OLFM2: variants seen among roughly 807,000 people sequenced by gnomAD.
OLFM2 encodes the protein olfactomedin 2, also known as noelin-2.
A neutral mutation model predicts 43.9 loss-of-function variants in OLFM2; 20 were observed. The observed-to-expected ratio is 0.46, with a 90% CI of 0.32 to 0.66. The LOEUF is 0.66. Among genes scored for constraint, OLFM2 ranks in the 30% least tolerant of loss-of-function variants. OLFM2 has a pLI of 0.04. For missense variants in OLFM2, 416 were observed against 643.6 expected, an observed-to-expected ratio of 0.65 and a Z score of 3.83; for synonymous variants, 268 against 278.6, an observed-to-expected ratio of 0.96 and a Z score of 0.38.
intron 1 of OLFM2, among the ~76,000 whole-genome samples, chr19:9,880,486 C>T (rs568430592): frequency 6.6e-6 from 1 of 152,186 alleles, no homozygotes; most frequent in South Asian, 2.1e-4. Context: ...AATCCCAGCA[C>T]TTTAGGAGGC....
intron 1 of OLFM2, among the ~76,000 whole-genome samples, chr19:9,933,486 C>A (rs2086496631): frequency 6.6e-6 from 1 of 151,942 alleles, no homozygotes; most frequent in Non-Finnish European, 1.5e-5. Flanking sequence ...GATCCACTCA[C>A]CCTGGCCTCC....
chr19:9,862,785 G>C (rs981701804), intron 1 of OLFM2, among the ~76,000 whole-genome samples: 3 of 152,032 alleles, frequency 2.0e-5, no homozygotes, highest in African/African-American at 7.2e-5. Context: ...GACCAGCTTA[G>C]CCAACATGGT....
intron 1 of OLFM2, among the ~76,000 whole-genome samples, chr19:9,931,392 T>C (rs1193393898): frequency 1.3e-5 from 2 of 152,038 alleles, no homozygotes; most frequent in Non-Finnish European, 2.9e-5. Flanking sequence ...ACTACAAGCC[T>C]GGCCAATTTT....
At chr19:9,867,686 G>A (rs895506367) in intron 1 of OLFM2, among the ~76,000 whole-genome samples, 1 of 152,088 alleles carries the variant, frequency 6.6e-6, no homozygotes, top group South Asian at 2.1e-4. Context: ...ATGAGAGCGG[G>A]GATTAGATAT....
At chr19:9,904,150 G>T (rs2046763578) in intron 1 of OLFM2, among the ~76,000 whole-genome samples, 1 of 126,274 alleles carries the variant, frequency 7.9e-6, no homozygotes, top group Admixed American at 8.2e-5. Context: ...GCTGAGTATT[G>T]TTTGTGTGTG....
At chr19:9,892,204 CTG>C (rs2046645925) in intron 1 of OLFM2, among the ~76,000 whole-genome samples, 1 of 152,022 alleles carries the variant, frequency 6.6e-6, no homozygotes, top group Non-Finnish European at 1.5e-5. Flanking sequence ...GTTGGTGTGA[CTG>C]TGTGTGTGCA....
At position 9,924,083 on chromosome 19, in the gene OLFM2, G is replaced by A. The variant is rs185563229; in HGVS notation, c.63+12221C>T. Reference sequence around the variant, plus strand: ...CCACTGCATTTCAGCCTGGGCAACAGAGCAATAACCTCGTCTCTACAAAAA... The same window carrying A: ...CCACTGCATTTCAGCCTGGGCAACAAAGCAATAACCTCGTCTCTACAAAAA... On this transcript the variant is annotated intron_variant, in intron 1 of 5. Coordinates refer to ENST00000264833, the MANE Select transcript of OLFM2 (RefSeq NM_058164.4). Among the ~76,000 whole-genome samples, 860 of 114,426 alleles carry A rather than the reference G, an allele frequency of 7.5e-3. 6 individuals carry two copies. Among genetic ancestry groups the A allele is most frequent in the Non-Finnish European group, 0.01 (632 of 60,434 alleles). 75.1% of individuals were successfully genotyped at this position (114,426 alleles called of 152,430 possible). A position where few individuals can be genotyped will look rare whatever the true frequency, so the allele number is the denominator to read the frequency against.
intron 1 of OLFM2, among the ~76,000 whole-genome samples, chr19:9,895,622 CTTTA>C (rs1277739595): frequency 6.6e-6 from 1 of 151,888 alleles, no homozygotes; most frequent in African/African-American, 2.4e-5. Flanking sequence ...TTCTGGGAAA[CTTTA>C]TTTATTTTTA....
At chr19:9,892,939 C>G (rs1438188074) in intron 1 of OLFM2, among the ~76,000 whole-genome samples, 1 of 152,158 alleles carries the variant, frequency 6.6e-6, no homozygotes, top group Non-Finnish European at 1.5e-5. Context: ...TCTCAGGATT[C>G]AAGTTAAACT....
chr19:9,891,069 T>C (rs1163477597), intron 1 of OLFM2, among the ~76,000 whole-genome samples: 1 of 152,132 alleles, frequency 6.6e-6, no homozygotes, highest in Non-Finnish European at 1.5e-5. Context: ...ATCCCAGCAC[T>C]TTGGTAGGCT....
At position 9,857,902 on chromosome 19, in the gene OLFM2, C is replaced by G. The variant is rs537155024; in HGVS notation, c.214-41G>C. ...ACTGAAGGGACCAGACCTCCTTCCC[C>G]AAATCCCAACCCAGAGATGCCACAG... On this transcript the variant is annotated intron_variant, in intron 2 of 5. Coordinates refer to ENST00000264833, the MANE Select transcript of OLFM2 (RefSeq NM_058164.4). The surrounding 1 kb of genome is among the most constrained non-coding windows in gnomAD (Gnocchi z 5.7). 142 of 1,612,844 alleles carry G rather than the reference C, an allele frequency of 8.8e-5. No individual in the cohort carries two copies. The South Asian group carries it at 1.5e-3, about 18-fold the overall frequency.
At chr19:9,935,365 A>G (rs2086508888) in intron 1 of OLFM2, among the ~76,000 whole-genome samples, 1 of 152,134 alleles carries the variant, frequency 6.6e-6, no homozygotes, top group African/African-American at 2.4e-5. Flanking sequence ...CAATAGCAAA[A>G]GAGAGCGTGG....
chr19:9,891,296 G>A (rs966657626), intron 1 of OLFM2, among the ~76,000 whole-genome samples: 3 of 137,148 alleles, frequency 2.2e-5, no homozygotes, highest in Non-Finnish European at 4.6e-5. Flanking sequence ...CTGGGCAACA[G>A]AGCGAGACTC....
At chr19:9,864,787 CTTTTTTTT>C (rs34810133) in intron 1 of OLFM2, among the ~76,000 whole-genome samples, 1 of 97,590 alleles carries the variant, frequency 1.0e-5, no homozygotes, top group Non-Finnish European at 1.9e-5. Context: ...ACACACCCAG[CTTTTTTTT>C]TTTTTTTTTT....
At chr19:9,875,964 C>A (rs910044919) in intron 1 of OLFM2, among the ~76,000 whole-genome samples, 1 of 152,034 alleles carries the variant, frequency 6.6e-6, no homozygotes, top group Non-Finnish European at 1.5e-5. Context: ...GGTCTCACTG[C>A]TTTTTATTTC....
At chr19:9,889,163 G>A (rs1261316580) in intron 1 of OLFM2, among the ~76,000 whole-genome samples, 6 of 152,150 alleles carry the variant, frequency 3.9e-5, no homozygotes, top group Non-Finnish European at 8.8e-5. Flanking sequence ...GAGAGGGGAG[G>A]GGGTGTGCTT....
intron 1 of OLFM2, among the ~76,000 whole-genome samples, chr19:9,912,255 T>G (rs1314723681): frequency 6.6e-6 from 1 of 152,078 alleles, no homozygotes; most frequent in African/African-American, 2.4e-5. Flanking sequence ...CTCACCTGTG[T>G]CAAGCCCAAT....
intron 1 of OLFM2, among the ~76,000 whole-genome samples, chr19:9,885,400 A>T (rs1056233271): frequency 3.9e-5 from 6 of 152,220 alleles, no homozygotes; most frequent in Non-Finnish European, 7.3e-5. Context: ...TGTGATTGGC[A>T]CAAATGCCTG....
At chr19:9,907,472 T>C (rs2046794802) in intron 1 of OLFM2, among the ~76,000 whole-genome samples, 1 of 151,226 alleles carries the variant, frequency 6.6e-6, no homozygotes, top group Admixed American at 6.6e-5. Flanking sequence ...AATAAATGAA[T>C]AAACAAACAA....
Sources: gnomAD v4.1 joint callset for allele counts (sites outside exome capture counted in the v4.1 genomes callset) on GRCh38, gnomAD v4.1.1 for gene constraint, Gnocchi (gnomAD v3.1) non-coding constraint, MANE v1.5 for transcripts, NCBI Gene and HGNC (gene_info 2026-07-23, HGNC 2026-07-21) for gene names.